PIGL: variants seen among roughly 807,000 people sequenced by gnomAD.
PIGL encodes phosphatidylinositol glycan anchor biosynthesis class L, also known as N-acetylglucosaminyl-phosphatidylinositol de-N-acetylase.
In PIGL, 22 loss-of-function variants were observed where a neutral mutation model predicts 31.1. The ratio of observed to expected loss-of-function variants is 0.71; its 90% CI spans 0.51 to 1.01. The LOEUF is 1.01. Ranked by LOEUF, PIGL falls within the 50% of genes least tolerant of loss-of-function variation. The pLI is 0.00. For missense variants in PIGL, 302 were observed against 315.9 expected (o/e 0.96, Z 0.33); for synonymous variants, 131 against 117.4 (o/e 1.12, Z -0.75).
intron 2 of PIGL, among the ~76,000 whole-genome samples, chr17:16,285,588 T>G (rs2092934102): frequency 6.6e-6 from 1 of 151,858 alleles, no homozygotes; most frequent in South Asian, 2.1e-4. Flanking sequence ...AAAAATCCAT[T>G]TTATGGTTAG....
chr17:16,285,637 T>C (rs1001917698), intron 2 of PIGL, among the ~76,000 whole-genome samples: 1 of 152,142 alleles, frequency 6.6e-6, no homozygotes, highest in Non-Finnish European at 1.5e-5. Flanking sequence ...AAGGCTCTCT[T>C]AGGGCATTTG....
chr17:16,296,953 C>G (rs1000700285), intron 2 of PIGL, among the ~76,000 whole-genome samples: 10 of 152,040 alleles, frequency 6.6e-5, no homozygotes, highest in Admixed American at 5.2e-4. Flanking sequence ...ATCTCCTGAC[C>G]TCGTGATCCG....
At chr17:16,237,690 T>C (rs1185352434) in intron 2 of PIGL, among the ~76,000 whole-genome samples, 1 of 150,302 alleles carries the variant, frequency 6.7e-6, no homozygotes, top group African/African-American at 2.5e-5. Flanking sequence ...TCCCAACTAC[T>C]TGGGTGACTG....
intron 1 of PIGL, among the ~76,000 whole-genome samples, chr17:16,225,780 T>A (rs573667483): frequency 5.9e-5 from 9 of 151,948 alleles, no homozygotes; most frequent in Non-Finnish European, 8.8e-5. Context: ...TAGATTGAGA[T>A]TTTTCAGGCC....
intron 3 of PIGL, among the ~76,000 whole-genome samples, chr17:16,300,541 C>T (rs924763421): frequency 2.6e-5 from 4 of 151,906 alleles, no homozygotes; most frequent in African/African-American, 9.7e-5. Context: ...ATTAGCCGGG[C>T]GTGGTGGCAT....
intron 2 of PIGL, among the ~76,000 whole-genome samples, chr17:16,245,409 G>A (rs567674054): frequency 5.6e-4 from 85 of 152,120 alleles, no homozygotes; most frequent in African/African-American, 2.0e-3. Flanking sequence ...TTACAAGCAT[G>A]AGCCACTACA....
chr17:16,259,800 C>T (rs1194103238), intron 2 of PIGL, among the ~76,000 whole-genome samples: 1 of 152,110 alleles, frequency 6.6e-6, no homozygotes, highest in African/African-American at 2.4e-5. Flanking sequence ...CAAGAACAGG[C>T]GGGAGCCCTA....
intron 2 of PIGL, among the ~76,000 whole-genome samples, chr17:16,246,710 G>A (rs1191813161): frequency 4.1e-5 from 2 of 49,330 alleles, no homozygotes; most frequent in Admixed American, 2.6e-4. Context: ...ACGGAGTCTC[G>A]CTCTGTCGCC....
At chr17:16,260,672 T>C (rs1234035885) in intron 2 of PIGL, among the ~76,000 whole-genome samples, 6 of 152,108 alleles carry the variant, frequency 3.9e-5, no homozygotes, top group Non-Finnish European at 5.9e-5. Context: ...GATGACCTGC[T>C]TGCAGAAAGG....
At chr17:16,314,910 G>A (rs1192625433) in intron 4 of PIGL, among the ~76,000 whole-genome samples, 3 of 152,094 alleles carry the variant, frequency 2.0e-5, no homozygotes, top group Non-Finnish European at 4.4e-5. Flanking sequence ...TGGAAAAATG[G>A]TCCCACCTCA....
intron 2 of PIGL, among the ~76,000 whole-genome samples, chr17:16,242,420 TTTA>T (rs2092726588): frequency 6.6e-6 from 1 of 152,110 alleles, no homozygotes; most frequent in African/African-American, 2.4e-5. Context: ...TTGATTCTTT[TTTA>T]TTATTATTGC....
chr17:16,276,654 T>C (rs1298184657), intron 2 of PIGL, among the ~76,000 whole-genome samples: 1 of 152,162 alleles, frequency 6.6e-6, no homozygotes, highest in African/African-American at 2.4e-5. Context: ...GGAGAATCAC[T>C]TGAACCTGGG....
At chr17:16,263,190 C>A (rs908826108) in intron 2 of PIGL, among the ~76,000 whole-genome samples, 7 of 151,688 alleles carry the variant, frequency 4.6e-5, no homozygotes, top group African/African-American at 1.5e-4. Flanking sequence ...TGTACAGTTT[C>A]TTTTATTTCA....
intron 3 of PIGL, among the ~76,000 whole-genome samples, chr17:16,313,149 T>C (rs529672796): frequency 7.2e-5 from 11 of 152,248 alleles, no homozygotes; most frequent in African/African-American, 2.6e-4. Flanking sequence ...TTTTTTGCCC[T>C]CAGTATGGCA....
intron 2 of PIGL, among the ~76,000 whole-genome samples, chr17:16,239,687 G>C (rs989640672): frequency 1.3e-5 from 2 of 152,132 alleles, no homozygotes. Context: ...GGATTGAAGA[G>C]ATCAAGATTG....
chr17:16,319,475 C>G (rs1423220990), intron 6 of PIGL, among the ~76,000 whole-genome samples: 6 of 152,130 alleles, frequency 3.9e-5, no homozygotes, highest in Admixed American at 1.3e-4. Flanking sequence ...CTAGGGGAGG[C>G]CAGACGCCGT....
At chr17:16,230,096 C>T (rs1485951713) in intron 1 of PIGL, among the ~76,000 whole-genome samples, 1 of 151,992 alleles carries the variant, frequency 6.6e-6, no homozygotes, top group African/African-American at 2.4e-5. Context: ...CTCTTGACCT[C>T]GTGATCCACC....
intron 2 of PIGL, among the ~76,000 whole-genome samples, chr17:16,263,578 G>A (rs568268105): frequency 1.3e-5 from 2 of 151,946 alleles, no homozygotes; most frequent in Non-Finnish European, 2.9e-5. Context: ...AGGCTGGAGT[G>A]CAGTGGCGTG....
At chr17:16,275,934 G>T (rs891102956) in intron 2 of PIGL, among the ~76,000 whole-genome samples, 39 of 152,130 alleles carry the variant, frequency 2.6e-4, no homozygotes, top group African/African-American at 8.9e-4. Flanking sequence ...TGCGGCAGGA[G>T]AATCATTTGA....
Sources: gnomAD v4.1 joint callset for allele counts (sites outside exome capture counted in the v4.1 genomes callset) on GRCh38, gnomAD v4.1.1 for gene constraint, MANE v1.5 for transcripts, NCBI Gene and HGNC (gene_info 2026-07-23, HGNC 2026-07-21) for gene names.